SAMD13: variants seen among roughly 807,000 people sequenced by gnomAD.
SAMD13 encodes sterile alpha motif domain-containing protein 13.
Under a neutral mutation model 12.4 loss-of-function variants are expected in SAMD13, and 9 were observed. That is an observed-to-expected ratio of 0.72 (90% CI 0.44 to 1.26). The LOEUF (loss-of-function observed/expected upper bound fraction) is 1.26. Ranked by LOEUF, SAMD13 falls within the 50% of genes most tolerant of loss-of-function variation. The pLI is 0.00. For synonymous variants in SAMD13, 46 were observed against 45.4 expected, an observed-to-expected ratio of 1.01 and a Z score of -0.05; for missense variants, 84 against 119.6, an observed-to-expected ratio of 0.70 and a Z score of 1.39.
rs549299240 is a variant in SAMD13 at position 84,338,978 on chromosome 1, GAAGT to G, written c.166-10648_166-10645del. Among the ~76,000 whole-genome samples the G allele has an allele frequency of 1.6e-3, 251 of 152,282 alleles. 2 individuals are homozygous for G. Among genetic ancestry groups the G allele is most frequent in the Admixed American group, 3.1e-3 (48 of 15,300 alleles). ...GCTGAGATTGTATTATGAAACTCTT[GAAGT>G]AAGTTTTTCAGCTCTGCCAGATCAG... On this transcript the variant is annotated intron_variant, in intron 3 of 3. Coordinates refer to ENST00000394834, the MANE Select transcript of SAMD13 (RefSeq NM_001134663.2).
intron 2 of SAMD13, among the ~76,000 whole-genome samples, chr1:84,320,209 G>T (rs949876924): frequency 1.3e-5 from 2 of 152,210 alleles, no homozygotes; most frequent in African/African-American, 4.8e-5. Flanking sequence ...ATCCCTGGAA[G>T]TTGAACAGAA....
At chr1:84,325,578 C>T in intron 2 of SAMD13, 59 bp from the exon 3 acceptor site, 1 of 1,039,044 alleles carries the variant, frequency 9.6e-7, no homozygotes, top group Non-Finnish European at 1.5e-6. Flanking sequence ...CATTTGTGAG[C>T]CTGGCCACAC....
chr1:84,317,517 C>T (rs1179821024), intron 2 of SAMD13, among the ~76,000 whole-genome samples: 3 of 151,746 alleles, frequency 2.0e-5, no homozygotes, highest in African/African-American at 7.3e-5. Context: ...AATTGATTTT[C>T]ATATGTTGAA....
At chr1:84,303,910 T>C (rs1267174024) in intron 2 of SAMD13, 3 of 152,234 alleles carry the variant, frequency 2.0e-5, no homozygotes, top group Non-Finnish European at 2.9e-5. Flanking sequence ...ACATAATATT[T>C]TGATATTTAT....
chr1:84,307,249 C>T (rs1334782918), intron 2 of SAMD13, among the ~76,000 whole-genome samples: 3 of 152,120 alleles, frequency 2.0e-5, no homozygotes, highest in African/African-American at 4.8e-5. Flanking sequence ...CTCTGTGTTT[C>T]GTTTTTGATA....
intron 2 of SAMD13, among the ~76,000 whole-genome samples, chr1:84,304,840 A>T (rs573077376): frequency 6.6e-6 from 1 of 152,154 alleles, no homozygotes; most frequent in Non-Finnish European, 1.5e-5. Flanking sequence ...TATTGTGTAT[A>T]TCAATATATC....
At chr1:84,316,714 A>T (rs886147808) in intron 2 of SAMD13, among the ~76,000 whole-genome samples, 1 of 152,130 alleles carries the variant, frequency 6.6e-6, no homozygotes, top group Non-Finnish European at 1.5e-5. Flanking sequence ...TTCTGGTTCA[A>T]TATGAATATT....
intron 3 of SAMD13, among the ~76,000 whole-genome samples, chr1:84,348,385 A>G (rs554989322): frequency 8.5e-5 from 13 of 152,234 alleles, no homozygotes; most frequent in African/African-American, 3.1e-4. Context: ...TGTGGGAGGG[A>G]GTCCGTTTTA....
At chr1:84,320,133 C>CAT (rs1459919589) in intron 2 of SAMD13, among the ~76,000 whole-genome samples, 51 of 152,258 alleles carry the variant, frequency 3.3e-4, no homozygotes, top group African/African-American at 1.2e-3. Context: ...GTGCCTGGCT[C>CAT]ATAGTAGACA....
At chr1:84,308,161 C>T (rs1202282856) in intron 2 of SAMD13, among the ~76,000 whole-genome samples, 1 of 152,156 alleles carries the variant, frequency 6.6e-6, no homozygotes, top group African/African-American at 2.4e-5. Flanking sequence ...TATATTTCAT[C>T]TTTTTTATTA....
chr1:84,341,433 C>A (rs975087235), intron 3 of SAMD13, among the ~76,000 whole-genome samples: 3 of 152,116 alleles, frequency 2.0e-5, no homozygotes, highest in Non-Finnish European at 4.4e-5. Flanking sequence ...ATTCTACTGG[C>A]CAGCTGAGAT....
intron 3 of SAMD13, among the ~76,000 whole-genome samples, chr1:84,337,531 C>G (rs1679326542): frequency 6.6e-6 from 1 of 152,172 alleles, no homozygotes; most frequent in Admixed American, 6.5e-5. Context: ...ACACAGGGCA[C>G]CAGTCCCTAT....
chr1:84,317,132 A>G (rs1182878675), intron 2 of SAMD13, among the ~76,000 whole-genome samples: 5 of 152,030 alleles, frequency 3.3e-5, no homozygotes, highest in African/African-American at 1.2e-4. Context: ...TCTATATAAG[A>G]TCATATCATC....
chr1:84,339,443 A>AG (rs1679375094), intron 3 of SAMD13, among the ~76,000 whole-genome samples: 1 of 151,824 alleles, frequency 6.6e-6, no homozygotes, highest in Non-Finnish European at 1.5e-5. Flanking sequence ...GCAAGATTTT[A>AG]GGGGGACAAG....
intron 1 of SAMD13, among the ~76,000 whole-genome samples, chr1:84,302,337 CTTTTTT>C (rs34069417): frequency 8.1e-6 from 1 of 123,150 alleles, no homozygotes; most frequent in Non-Finnish European, 1.7e-5. Flanking sequence ...CTGTTTCTTC[CTTTTTT>C]TTTTTTTTTT....
intron 3 of SAMD13, 43 bp downstream of exon 3, chr1:84,325,791 C>A: frequency 1.7e-6 from 2 of 1,166,344 alleles, no homozygotes; most frequent in Non-Finnish European, 1.3e-6. Context: ...TGTGATGAAC[C>A]CACAGTTACC....
intron 3 of SAMD13, among the ~76,000 whole-genome samples, chr1:84,345,799 G>A (rs1310239648): frequency 6.6e-6 from 1 of 152,138 alleles, no homozygotes; most frequent in Non-Finnish European, 1.5e-5. Flanking sequence ...ATAGATTAAT[G>A]CTGGCAGAGA....
intron 3 of SAMD13, among the ~76,000 whole-genome samples, chr1:84,345,790 T>C (rs943204768): frequency 6.6e-6 from 1 of 152,198 alleles, no homozygotes; most frequent in African/African-American, 2.4e-5. Flanking sequence ...TTACCTAGTA[T>C]AGATTAATGC....
intron 3 of SAMD13, among the ~76,000 whole-genome samples, chr1:84,331,329 A>T (rs865931212): frequency 2.4e-3 from 16 of 6,560 alleles, no homozygotes; most frequent in African/African-American, 4.5e-3. Context: ...CCTCCTTGGT[A>T]AAAAAAAAAA....
Sources: allele counts gnomAD v4.1 joint callset (sites outside exome capture counted in the v4.1 genomes callset), GRCh38; gene constraint gnomAD v4.1.1; transcripts MANE v1.5; gene names NCBI Gene and HGNC (gene_info 2026-07-23, HGNC 2026-07-21).